Variants in OSBPL3 observed in about 807,000 individuals in gnomAD.
OSBPL3 encodes oxysterol binding protein like 3, also known as oxysterol-binding protein-related protein 3.
OSBPL3 carries 65 observed loss-of-function variants against 120.1 expected under a neutral mutation model. The ratio of observed to expected loss-of-function variants is 0.54; its 90% confidence interval spans 0.44 to 0.67. The LOEUF is 0.67. OSBPL3 is among the 30% of genes least tolerant of loss of function. The pLI is 0.00. For synonymous variants in OSBPL3, 416 were observed against 402.6 expected (o/e 1.03, Z -0.40); for missense variants, 1,004 against 1,082.1 (o/e 0.93, Z 1.01).
Position 24,806,795 on chromosome 7 carries a change from G to T in OSBPL3, c.2425C>A (p.Arg809=), listed in dbSNP as rs369476837. Residue 809 remains arginine, a synonymous_variant, in exon 21 of 23, where the codon CGA becomes AGA. Transcript: ENST00000313367. The surrounding 1 kb of genome is among the most constrained non-coding windows in gnomAD (Gnocchi z 5.2). The part of the protein sequence containing the change: ...SKSLLPPTDT[R]FRPDQRFLEE... ...CCTTACCTCTGGTCTGGCCTAAATC[G>T]AGTGTCAGTAGGTGGCAATAAAGAC... The T allele has an allele frequency of 2.5e-5, 41 of 1,613,784 alleles. No homozygotes were observed. Among genetic ancestry groups the T allele is most frequent in the Non-Finnish European group, 3.2e-5 (38 of 1,179,846 alleles).
chr7:24,912,792 A>G lies in OSBPL3; in HGVS notation c.-149-20171T>C, dbSNP rs1186898661. Reference sequence around the variant, plus strand: ...AACAAAGTGACCGTGACACTTCTTCATCAATAGATGGCTTCTATATTCCCA... The same window carrying G: ...AACAAAGTGACCGTGACACTTCTTCGTCAATAGATGGCTTCTATATTCCCA... On this transcript the variant is annotated intron_variant, in intron 1 of 22. Transcript: ENST00000313367. The surrounding 1 kb of genome is among the most constrained non-coding windows in gnomAD (Gnocchi z 4.5). 6.6e-6 allele frequency among the ~76,000 whole-genome samples: 1 copy of G among 152,240 alleles called. No homozygotes were observed. The highest frequency in any genetic ancestry group is 1.5e-5 in the Non-Finnish European group (1 of 68,042).
At chr7:24,903,737 T>C (rs1562907794) in intron 1 of OSBPL3, among the ~76,000 whole-genome samples, 1 of 152,068 alleles carries the variant, frequency 6.6e-6, no homozygotes, top group Admixed American at 6.5e-5. Context: ...CAATGCTGAG[T>C]CCCTCCTCCT....
Position 24,967,281 on chromosome 7 carries a change from G to C in OSBPL3, c.-150+12605C>G, listed in dbSNP as rs1007364180. On this transcript the variant is annotated intron_variant, in intron 1 of 22. Coordinates refer to ENST00000313367, the MANE Select transcript of OSBPL3 (RefSeq NM_015550.4). This position sits in a 1 kb window ranked among gnomAD's most constrained non-coding sequence, Gnocchi z 5.6. The stretch of plus-strand genomic sequence containing the variant: ...TCTCCAATGGCCAGAGGATGAAGTA[G>C]CCATGCACCACCCTTGGGTTCCCAT... 3.3e-5 allele frequency among the ~76,000 whole-genome samples: 5 copies of C among 152,182 alleles called. No individual in the cohort carries two copies. The highest frequency in any genetic ancestry group is 9.7e-5 in the African/African-American group (4 of 41,448).
rs372753551 is a variant in OSBPL3 at position 24,870,863 on chromosome 7, G to A, written c.268-18C>T. On this transcript the variant is annotated intron_variant, in intron 4 of 22. Transcript: ENST00000313367. ...CTCTCTATCTGCAGAGGCACCAAGAGGGTCACTTGGGGACCATGGTGTTAG... is the reference window on the plus strand; with the variant it reads ...CTCTCTATCTGCAGAGGCACCAAGAAGGTCACTTGGGGACCATGGTGTTAG... The A allele has an allele frequency of 1.8e-4, 263 of 1,475,698 alleles. No homozygotes were observed. Among genetic ancestry groups the A allele is most frequent in the East Asian group, 2.5e-4 (11 of 44,252 alleles). 91.4% of individuals were successfully genotyped at this position (1,475,698 alleles called of 1,614,324 possible).
chr7:24,804,184 C>A lies in OSBPL3; in HGVS notation c.2567+131G>T, dbSNP rs1350884232. ...GGGCCTGGCACAGAGGAGCAGTACC[C>A]CCACGTGGAAGCAGGAAAAGCCTGG... On this transcript the variant is annotated intron_variant, in intron 22 of 22. Transcript: ENST00000313367. The surrounding 1 kb of genome is among the most constrained non-coding windows in gnomAD (Gnocchi z 5.4). The A allele has an allele frequency of 2.9e-6, 3 of 1,044,346 alleles. No individual in the cohort carries two copies. The East Asian group carries it at 7.1e-5, about 25-fold the overall frequency. 64.7% of individuals were successfully genotyped at this position (1,044,346 alleles called of 1,614,324 possible). A position where few individuals can be genotyped will look rare whatever the true frequency, so the allele number is the denominator to read the frequency against.
chr7:24,835,179 T>C lies in OSBPL3; in HGVS notation c.1496-443A>G, dbSNP rs541875349. ...CTCCACCACCCCAAAATAGCAGCCA[T>C]TTATATATTAGAGTATCTTCATTTC... is the stretch of plus-strand genomic sequence containing the variant. On this transcript the variant is annotated intron_variant, in intron 14 of 22. Coordinates refer to ENST00000313367, the MANE Select transcript of OSBPL3 (RefSeq NM_015550.4). This position sits in a 1 kb window ranked among gnomAD's most constrained non-coding sequence, Gnocchi z 4.8. Among the ~76,000 whole-genome samples the C allele has an allele frequency of 6.6e-6, 1 of 152,282 alleles. No individual in the cohort carries two copies. The highest frequency in any genetic ancestry group is 2.4e-5 in the African/African-American group (1 of 41,566).
intron 1 of OSBPL3, among the ~76,000 whole-genome samples, chr7:24,929,058 C>T (rs1266432773): frequency 6.6e-6 from 1 of 152,132 alleles, no homozygotes. Context: ...TAGAAATTGC[C>T]AAACTGCTCT....
At position 24,830,937 on chromosome 7, in the gene OSBPL3, C is replaced by T; in HGVS notation, c.1747-32G>A. On this transcript the variant is annotated intron_variant, in intron 15 of 22. Coordinates refer to ENST00000313367, the MANE Select transcript of OSBPL3 (RefSeq NM_015550.4). The surrounding 1 kb of genome is among the most constrained non-coding windows in gnomAD (Gnocchi z 4.4). ...ACAAGAGAAAAGAACTTTGTCATTTCCGTGTCACCAAGAGCTTTATTGTTC... is the reference window on the plus strand; with the variant it reads ...ACAAGAGAAAAGAACTTTGTCATTTTCGTGTCACCAAGAGCTTTATTGTTC... 1 of 1,566,212 alleles carries T rather than the reference C, an allele frequency of 6.4e-7. No individual in the cohort carries two copies. The highest frequency in any genetic ancestry group is 8.6e-7 in the Non-Finnish European group (1 of 1,161,358).
chr7:24,979,844 C>CCGACACCCAGGCCCCA, intron 1 of OSBPL3, 42 bp downstream of exon 1: 1 of 965,038 alleles, frequency 1.0e-6, no homozygotes, highest in Non-Finnish European at 1.2e-6. Context: ...GCCAGGCCCC[C>CCGACACCCAGGCCCCA]CGACACCCAG....
rs760665026 is a variant in OSBPL3 at position 24,830,609 on chromosome 7, G to A, written c.1884+159C>T. Among the ~76,000 whole-genome samples, 18 of 152,172 alleles carry A rather than the reference G, an allele frequency of 1.2e-4. No individual in the cohort carries two copies. Among genetic ancestry groups the A allele is most frequent in the Non-Finnish European group, 2.2e-4 (15 of 68,038 alleles). ...GCCCCTGGGTGGTGGCTTGGCTTCA[G>A]TGGAAGGGAAATCGATCCCTCCCTT... On this transcript the variant is annotated intron_variant, in intron 16 of 22. Transcript: ENST00000313367. The surrounding 1 kb of genome is among the most constrained non-coding windows in gnomAD (Gnocchi z 4.4).
chr7:24,812,646 C>G (rs1398714821), intron 19 of OSBPL3, among the ~76,000 whole-genome samples: 1 of 152,020 alleles, frequency 6.6e-6, no homozygotes, highest in Non-Finnish European at 1.5e-5. Context: ...ATCAAAAAAC[C>G]CTAGTACTAT....
At chr7:24,957,369 A>G (rs1434262468) in intron 1 of OSBPL3, among the ~76,000 whole-genome samples, 1 of 152,206 alleles carries the variant, frequency 6.6e-6, no homozygotes, top group African/African-American at 2.4e-5. Flanking sequence ...CAAGCCCTCA[A>G]TTACTTCTTT....
At position 24,980,127 on chromosome 7, in the gene OSBPL3, GC is replaced by G; in HGVS notation, c.-392del. ...CAAGTCCCCTCTCCCGGGCCGGCTG[GC>G]GGGCGCCACCAGCACGCGGCCAGTT... On this transcript the variant is annotated 5_prime_UTR_variant, in exon 1 of 23. Coordinates refer to ENST00000313367, the MANE Select transcript of OSBPL3 (RefSeq NM_015550.4). The G allele has an allele frequency of 1.2e-6, 1 of 851,042 alleles. No individual in the cohort carries two copies. The highest frequency in any genetic ancestry group is 1.4e-6 in the Non-Finnish European group (1 of 707,116). The allele number at this position is 851,042 out of a possible 1,614,324, so 52.7% of individuals were successfully genotyped here. A position where few individuals can be genotyped will look rare whatever the true frequency, so the allele number is the denominator to read the frequency against.
chr7:24,868,980 T>G (rs2128277425), intron 5 of OSBPL3, among the ~76,000 whole-genome samples: 1 of 152,294 alleles, frequency 6.6e-6, no homozygotes, highest in Non-Finnish European at 1.5e-5. Flanking sequence ...GTGAGCAGCC[T>G]CTTAATCTCT....
At chr7:24,956,767 T>C (rs1441995454) in intron 1 of OSBPL3, among the ~76,000 whole-genome samples, 5 of 152,230 alleles carry the variant, frequency 3.3e-5, no homozygotes, top group African/African-American at 1.2e-4. Context: ...AGATATACTG[T>C]TTTGTTTCTT....
chr7:24,931,675 T>C (rs914234020), intron 1 of OSBPL3, among the ~76,000 whole-genome samples: 2 of 152,000 alleles, frequency 1.3e-5, no homozygotes, highest in Admixed American at 1.3e-4. Context: ...TTAGTTTAAG[T>C]CATAAATTTA....
Position 24,928,398 on chromosome 7 carries a change from A to G in OSBPL3, c.-149-35777T>C, listed in dbSNP as rs577986661. On this transcript the variant is annotated intron_variant, in intron 1 of 22. Transcript: ENST00000313367. ...AGTAGAGACGGGGTTTCACCGTGTT[A>G]GCCAGGATGGTCTCGATCTCCTGAC... 5.3e-5 allele frequency among the ~76,000 whole-genome samples: 8 copies of G among 152,076 alleles called. No individual in the cohort carries two copies. The East Asian group carries it at 5.8e-4, about 11-fold the overall frequency.
rs1031618364 is a variant in OSBPL3 at position 24,896,272 on chromosome 7, G to A, written c.-149-3651C>T. 2.6e-5 allele frequency among the ~76,000 whole-genome samples: 4 copies of A among 152,232 alleles called. No individual in the cohort carries two copies. The highest frequency in any genetic ancestry group is 7.2e-5 in the African/African-American group (3 of 41,454). On this transcript the variant is annotated intron_variant, in intron 1 of 22. Coordinates refer to ENST00000313367, the MANE Select transcript of OSBPL3 (RefSeq NM_015550.4). The surrounding 1 kb of genome is among the most constrained non-coding windows in gnomAD (Gnocchi z 4.4). ...TCACAGAGGCCACCAAAACCAACAC[G>A]TGTCAAACACCAGATGCACTTGTGT...
At position 24,959,049 on chromosome 7, in the gene OSBPL3, TC is replaced by T. The variant is rs1280272834; in HGVS notation, c.-150+20836del. On this transcript the variant is annotated intron_variant, in intron 1 of 22. Transcript: ENST00000313367. This position sits in a 1 kb window ranked among gnomAD's most constrained non-coding sequence, Gnocchi z 4.3. ...TCCATGAATTGTAAGTTTTAAACAT[TC>T]ACTAGAATGGCTAAAATAAAAAAGA... Among the ~76,000 whole-genome samples the T allele has an allele frequency of 1.3e-5, 2 of 152,274 alleles. No individual in the cohort carries two copies. The highest frequency in any genetic ancestry group is 4.8e-5 in the African/African-American group (2 of 41,568).
Sources: gnomAD v4.1 joint callset for allele counts (sites outside exome capture counted in the v4.1 genomes callset) on GRCh38, gnomAD v4.1.1 for gene constraint, Gnocchi (gnomAD v3.1) non-coding constraint, MANE v1.5 for transcripts, NCBI Gene and HGNC (gene_info 2026-07-23, HGNC 2026-07-21) for gene names.